The following NRXN1 variants were observed in gnomAD, a reference collection of about 807,000 sequenced individuals.
NRXN1 encodes neurexin 1.
A neutral mutation model predicts 150.9 loss-of-function variants in NRXN1; 39 were observed. The ratio of observed to expected loss-of-function variants is 0.26; its 90% CI spans 0.20 to 0.34. The LOEUF is 0.34. Among genes scored for constraint, NRXN1 ranks in the 10% least tolerant of loss-of-function variants. The pLI, the probability that NRXN1 is intolerant of heterozygous loss-of-function variation, is 1.00. For synonymous variants in NRXN1, 924 were observed against 757.0 expected, an observed-to-expected ratio of 1.22 and a Z score of -3.62; for missense variants, 1,815 against 1,949.9, an observed-to-expected ratio of 0.93 and a Z score of 1.30.
At chr2:50,473,656 G>A (rs1003845668) in intron 15 of NRXN1, among the ~76,000 whole-genome samples, 1 of 151,898 alleles carries the variant, frequency 6.6e-6, no homozygotes, top group Admixed American at 6.6e-5. Flanking sequence ...ATTTTCCCCA[G>A]TGTAACACAA....
In NRXN1 at chr2:50,305,133, C is replaced by T. The variant is rs558557681; in HGVS notation, c.3365-68163G>A. Among the ~76,000 whole-genome samples the T allele has an allele frequency of 4.9e-4, 75 of 152,218 alleles. 1 individual carries two copies. Among genetic ancestry groups the T allele is most frequent in the South Asian group, 1.0e-3 (5 of 4,822 alleles). ...GAAAAGGTACTCACTAGTTTATTAA[C>T]TTGGTAAAATTAAATTGTATCCACA... On this transcript the variant is annotated intron_variant, in intron 17 of 22. Coordinates refer to ENST00000401669, the MANE Select transcript of NRXN1 (RefSeq NM_001330078.2).
intron 2 of NRXN1, among the ~76,000 whole-genome samples, chr2:50,978,356 C>T (rs993898692): frequency 2.2e-5 from 3 of 138,082 alleles, no homozygotes; most frequent in African/African-American, 7.9e-5. Context: ...TTATAATTTT[C>T]CATAGTAAGC....
At chr2:50,681,152 C>G (rs963680545) in intron 5 of NRXN1, among the ~76,000 whole-genome samples, 1 of 152,162 alleles carries the variant, frequency 6.6e-6, no homozygotes, top group African/African-American at 2.4e-5. Context: ...GCAGATAATG[C>G]ACAGACTCTA....
At position 50,091,316 on chromosome 2, in the gene NRXN1, T is replaced by G. The variant is rs752561425; in HGVS notation, c.3718+7A>C. ...AATCTTCCCCCGATACATATTCACT[T>G]GCTTACCTGCAGGGTAGCGCTCGAT... On this transcript the variant is annotated splice_region_variant and intron_variant, in intron 19 of 22. Transcript: ENST00000401669. 1 of 1,614,094 alleles carries G rather than the reference T, an allele frequency of 6.2e-7. No individual in the cohort carries two copies. Among genetic ancestry groups the G allele is most frequent in the East Asian group, 2.2e-5 (1 of 44,874 alleles).
At chr2:50,895,534 A>G (rs1266164606) in intron 5 of NRXN1, among the ~76,000 whole-genome samples, 3 of 151,894 alleles carry the variant, frequency 2.0e-5, no homozygotes, top group Non-Finnish European at 4.4e-5. Flanking sequence ...ATTAAGACAA[A>G]ATACTGCTTT....
chr2:50,151,363 G>C (rs1337119368), intron 18 of NRXN1, among the ~76,000 whole-genome samples: 1 of 149,100 alleles, frequency 6.7e-6, no homozygotes, highest in Non-Finnish European at 1.5e-5. Context: ...TTACATTTCA[G>C]ACTCTTCAAA....
chr2:50,734,653 C>A (rs1420492496), intron 5 of NRXN1, among the ~76,000 whole-genome samples: 1 of 151,732 alleles, frequency 6.6e-6, no homozygotes, highest in African/African-American at 2.4e-5. Context: ...AACAAATGAG[C>A]TGTAGAAAAA....
chr2:50,509,682 T>G (rs555446616), intron 12 of NRXN1, among the ~76,000 whole-genome samples: 1 of 152,184 alleles, frequency 6.6e-6, no homozygotes, highest in Non-Finnish European at 1.5e-5. Flanking sequence ...TTGCTATAAT[T>G]TTAATGGCAA....
chr2:50,413,354 C>T (rs573113418), intron 17 of NRXN1, among the ~76,000 whole-genome samples: 4 of 152,046 alleles, frequency 2.6e-5, no homozygotes, highest in Admixed American at 6.6e-5. Flanking sequence ...CACAGATCAT[C>T]GGAGAAATGC....
intron 5 of NRXN1, chr2:50,919,963 C>A: frequency 2.8e-6 from 1 of 362,568 alleles, no homozygotes; most frequent in Non-Finnish European, 6.1e-6. Context: ...ATGTCATAGT[C>A]ATGATTGTAT....
intron 8 of NRXN1, among the ~76,000 whole-genome samples, chr2:50,568,613 A>G (rs964742783): frequency 1.3e-5 from 2 of 152,172 alleles, no homozygotes; most frequent in African/African-American, 4.8e-5. Flanking sequence ...TCCAGTTAAA[A>G]TGCCTTTTAT....
chr2:50,425,443 C>A (rs2084398847), intron 17 of NRXN1, among the ~76,000 whole-genome samples: 3 of 152,170 alleles, frequency 2.0e-5, no homozygotes, highest in Non-Finnish European at 4.4e-5. Context: ...GATTTGTAAC[C>A]TGCAAGTTAT....
chr2:50,582,603 C>A (rs1024106623), intron 8 of NRXN1, among the ~76,000 whole-genome samples: 1 of 149,598 alleles, frequency 6.7e-6, no homozygotes, highest in East Asian at 2.0e-4. Context: ...ACTAGCAAAA[C>A]TAGCACATAA....
chr2:50,279,759 A>C (rs1223024566), intron 17 of NRXN1, among the ~76,000 whole-genome samples: 1 of 152,238 alleles, frequency 6.6e-6, no homozygotes, highest in East Asian at 1.9e-4. Flanking sequence ...AATGCCAAGA[A>C]TCATTTTCAA....
chr2:50,634,541 A>C (rs556612485), intron 5 of NRXN1, among the ~76,000 whole-genome samples: 6 of 152,204 alleles, frequency 3.9e-5, no homozygotes, highest in Admixed American at 2.6e-4. Context: ...TTATGTATAT[A>C]TGTTATATTT....
At chr2:50,892,286 G>A (rs552982503) in intron 5 of NRXN1, among the ~76,000 whole-genome samples, 206 of 152,156 alleles carry the variant, frequency 1.4e-3, no homozygotes, top group African/African-American at 4.8e-3. Flanking sequence ...TTTGAGAATG[G>A]AAATAAAATA....
chr2:50,772,599 T>C (rs1335635646), intron 5 of NRXN1, among the ~76,000 whole-genome samples: 1 of 152,142 alleles, frequency 6.6e-6, no homozygotes, highest in African/African-American at 2.4e-5. Flanking sequence ...TTGTGTTTTC[T>C]TGAGTCTTTG....
At chr2:50,473,531 C>A (rs1331385432) in intron 15 of NRXN1, among the ~76,000 whole-genome samples, 10 of 151,980 alleles carry the variant, frequency 6.6e-5, no homozygotes. Context: ...GCTGCTATAG[C>A]TCCAGTCTAC....
chr2:50,259,146 T>C (rs1268809316), intron 17 of NRXN1, among the ~76,000 whole-genome samples: 5 of 151,980 alleles, frequency 3.3e-5, no homozygotes, highest in Non-Finnish European at 5.9e-5. Flanking sequence ...AAAACAGGCA[T>C]TGACTTTTCT....
Sources: gnomAD v4.1 joint callset for allele counts (sites outside exome capture counted in the v4.1 genomes callset) on GRCh38, gnomAD v4.1.1 for gene constraint, MANE v1.5 for transcripts, NCBI Gene and HGNC (gene_info 2026-07-23, HGNC 2026-07-21) for gene names.